The following DOCK5 variants were observed in gnomAD, a reference collection of about 807,000 sequenced individuals.
DOCK5 encodes the protein dedicator of cytokinesis 5, also known as dedicator of cytokinesis protein 5.
In DOCK5, 142 loss-of-function variants were observed where a neutral mutation model predicts 251.8. The ratio of observed to expected loss-of-function variants is 0.56; its 90% CI spans 0.49 to 0.65. The LOEUF is 0.65. Ranked by LOEUF, DOCK5 falls within the 30% of genes least tolerant of loss-of-function variation. The pLI is 0.00. For missense variants in DOCK5, 2,111 were observed against 2,312.3 expected (o/e 0.91, Z 1.79); for synonymous variants, 842 against 835.5 (o/e 1.01, Z -0.13).
intron 27 of DOCK5, among the ~76,000 whole-genome samples, chr8:25,358,275 G>A (rs552651315): frequency 2.0e-5 from 3 of 152,256 alleles, no homozygotes; most frequent in Admixed American, 6.5e-5. Context: ...ATCACATGGC[G>A]GCAGCAAGAA....
intron 38 of DOCK5, among the ~76,000 whole-genome samples, chr8:25,379,404 C>T (rs369252707): frequency 2.0e-5 from 3 of 152,120 alleles, no homozygotes; most frequent in Non-Finnish European, 4.4e-5. Flanking sequence ...CCTACTTGTA[C>T]GTCCATTTAT....
chr8:25,217,202 A>T (rs1354351485), intron 1 of DOCK5, among the ~76,000 whole-genome samples: 3 of 150,224 alleles, frequency 2.0e-5, no homozygotes, highest in Non-Finnish European at 4.4e-5. Context: ...ATATATATAT[A>T]CACATACACA....
In DOCK5 at chr8:25,292,085, G is replaced by A. The variant is rs755768763; in HGVS notation, c.383G>A (p.Arg128Gln). 14 of 1,596,200 alleles carry A rather than the reference G, an allele frequency of 8.8e-6. No homozygotes were observed. Among genetic ancestry groups the A allele is most frequent in the Middle Eastern group, 1.7e-4 (1 of 6,054 alleles). ...ATGACGTACAGCCTGATCGAGTGGC[G>A]GTCCCAGATCCTGTCTGGGACGCTC... is the stretch of plus-strand genomic sequence containing the variant. The part of the protein sequence containing the change: ...QQMTYSLIEW[R>Q]SQILSGTLPK... Residue 128 changes from arginine (R) to glutamine (Q), a missense_variant, in exon 6 of 52, where the codon CGG becomes CAG. Arg to Gln is a conservative substitution (Grantham distance 43). Coordinates refer to ENST00000276440, the MANE Select transcript of DOCK5 (RefSeq NM_024940.8).
chr8:25,244,834 C>T (rs1246504464), intron 2 of DOCK5, among the ~76,000 whole-genome samples: 1 of 152,204 alleles, frequency 6.6e-6, no homozygotes, highest in African/African-American at 2.4e-5. Flanking sequence ...TTCACATTAT[C>T]CTTTTCCCTT....
Position 25,410,280 on chromosome 8 carries a change from T to C in DOCK5, c.5508+78T>C, listed in dbSNP as rs748167813. On this transcript the variant is annotated intron_variant, in intron 51 of 51. Coordinates refer to ENST00000276440, the MANE Select transcript of DOCK5 (RefSeq NM_024940.8). The stretch of plus-strand genomic sequence containing the variant: ...GCAGCATCAGGTTTTCCAGGCTCTT[T>C]AGTGGGCAGGTTTGCTCATAGACCT... 16 of 1,275,910 alleles carry C rather than the reference T, an allele frequency of 1.3e-5. 1 individual carries two copies. The highest frequency in any genetic ancestry group is 5.0e-5 in the South Asian group (4 of 79,284). 79.0% of individuals were successfully genotyped at this position (1,275,910 alleles called of 1,614,324 possible).
At chr8:25,358,783 T>C (rs555731157) in intron 27 of DOCK5, among the ~76,000 whole-genome samples, 180 bp from the exon 28 acceptor site, 3 of 152,316 alleles carry the variant, frequency 2.0e-5, no homozygotes, top group Admixed American at 2.0e-4. Context: ...GGAGGTGGTT[T>C]GAAGCAGAAA....
intron 2 of DOCK5, among the ~76,000 whole-genome samples, chr8:25,246,755 T>TGTGTGTGTG (rs1803127886): frequency 9.0e-6 from 1 of 110,594 alleles, no homozygotes; most frequent in African/African-American, 3.6e-5. Flanking sequence ...TGTGTGTGTG[T>TGTGTGTGTG]GGCGGGGGCG....
intron 2 of DOCK5, among the ~76,000 whole-genome samples, chr8:25,265,340 A>C (rs905038612): frequency 6.6e-6 from 1 of 151,880 alleles, no homozygotes; most frequent in Non-Finnish European, 1.5e-5. Flanking sequence ...TCCCCATTTC[A>C]GTCTCTTGCG....
At chr8:25,316,007 A>G (rs1469856825) in intron 13 of DOCK5, among the ~76,000 whole-genome samples, 2 of 152,188 alleles carry the variant, frequency 1.3e-5, no homozygotes, top group Non-Finnish European at 2.9e-5. Flanking sequence ...GGAGTTTAAT[A>G]TACTTCACAT....
At chr8:25,202,077 C>G (rs534440093) in intron 1 of DOCK5, among the ~76,000 whole-genome samples, 61 of 152,214 alleles carry the variant, frequency 4.0e-4, no homozygotes, top group Non-Finnish European at 8.2e-4. Flanking sequence ...AGCGCAGTGG[C>G]ACAATCGTGG....
chr8:25,340,231 G>A (rs1805919612), intron 22 of DOCK5, among the ~76,000 whole-genome samples: 1 of 152,194 alleles, frequency 6.6e-6, no homozygotes, highest in South Asian at 2.1e-4. Context: ...TGGGTGAATT[G>A]AGAATTACCA....
chr8:25,390,870 G>A (rs535667150), intron 42 of DOCK5, among the ~76,000 whole-genome samples: 6 of 151,788 alleles, frequency 4.0e-5, no homozygotes, highest in Admixed American at 6.6e-5. Context: ...AGTACAGTGC[G>A]TGATCTTGGC....
intron 27 of DOCK5, among the ~76,000 whole-genome samples, chr8:25,357,723 G>A (rs920505727): frequency 2.6e-5 from 4 of 152,120 alleles, no homozygotes; most frequent in Admixed American, 6.5e-5. Flanking sequence ...TAAGGCATAC[G>A]TTCAGAAAGA....
At chr8:25,369,405 GCA>G in intron 33 of DOCK5, 149 bp from the exon 34 acceptor site, 3 of 550,190 alleles carry the variant, frequency 5.5e-6, no homozygotes, top group South Asian at 5.8e-5. Flanking sequence ...GGGCCTTGGT[GCA>G]CAGTTTATGA....
chr8:25,258,596 C>G (rs1289425106), intron 2 of DOCK5, among the ~76,000 whole-genome samples: 1 of 152,126 alleles, frequency 6.6e-6, no homozygotes, highest in Middle Eastern at 3.2e-3. Flanking sequence ...TGTCTCTGCC[C>G]ACTGGGCATG....
At chr8:25,266,758 G>A (rs763716186) in intron 2 of DOCK5, among the ~76,000 whole-genome samples, 1 of 151,666 alleles carries the variant, frequency 6.6e-6, no homozygotes, top group African/African-American at 2.4e-5. Flanking sequence ...GAACATTCAC[G>A]TTTACAAATT....
intron 26 of DOCK5, among the ~76,000 whole-genome samples, chr8:25,346,075 C>T (rs1163701505): frequency 6.6e-6 from 1 of 152,150 alleles, no homozygotes. Flanking sequence ...TAGTCTCGAT[C>T]TCCTGACCTC....
intron 38 of DOCK5, 59 bp from the exon 39 acceptor site, chr8:25,380,246 C>T: frequency 1.3e-6 from 2 of 1,496,810 alleles, no homozygotes; most frequent in Non-Finnish European, 9.1e-7. Flanking sequence ...GTGGCTTTTG[C>T]CACTGAATCA....
chr8:25,246,873 A>G (rs1224681752), intron 2 of DOCK5, among the ~76,000 whole-genome samples: 2 of 150,014 alleles, frequency 1.3e-5, no homozygotes, highest in East Asian at 2.0e-4. Flanking sequence ...TAAAGTAGGT[A>G]ATGTCTTTTG....
Sources: gnomAD v4.1 joint callset for allele counts (sites outside exome capture counted in the v4.1 genomes callset) on GRCh38, gnomAD v4.1.1 for gene constraint, MANE v1.5 for transcripts, NCBI Gene and HGNC (gene_info 2026-07-23, HGNC 2026-07-21) for gene names.